Variants in RAF1 observed in about 807,000 individuals in gnomAD.
The protein encoded by RAF1 is Raf-1 proto-oncogene, serine/threonine kinase, also known as RAF proto-oncogene serine/threonine-protein kinase.
A neutral mutation model predicts 81.1 loss-of-function variants in RAF1; 27 were observed. The observed-to-expected ratio is 0.33, with a 90% confidence interval of 0.25 to 0.46. The LOEUF (loss-of-function observed/expected upper bound fraction) is 0.46. Among genes scored for constraint, RAF1 ranks in the 20% least tolerant of loss-of-function variants. The probability of loss-of-function intolerance (pLI) is 1.00; values close to 1 mark genes in which losing one functional copy is unlikely to be tolerated. For synonymous variants in RAF1, 298 were observed against 294.0 expected, an observed-to-expected ratio of 1.01 and a Z score of -0.14; for missense variants, 598 against 826.0, an observed-to-expected ratio of 0.72 and a Z score of 3.38.
At chr3:12,597,455 G>A (rs981188604) in intron 11 of RAF1, among the ~76,000 whole-genome samples, 19 of 152,134 alleles carry the variant, frequency 1.2e-4, no homozygotes, top group Non-Finnish European at 2.9e-5. Context: ...CTTTTAAAAT[G>A]TGATATAAAA....
At chr3:12,636,259 C>T (rs1393644323) in intron 1 of RAF1, among the ~76,000 whole-genome samples, 1 of 150,940 alleles carries the variant, frequency 6.6e-6, no homozygotes, top group Admixed American at 6.6e-5. Context: ...GCACTCCAGC[C>T]TGGGTGACAG....
At chr3:12,655,851 CATGAGGT>C (rs2060673444) in intron 1 of RAF1, among the ~76,000 whole-genome samples, 2 of 151,952 alleles carry the variant, frequency 1.3e-5, no homozygotes, top group Admixed American at 1.3e-4. Context: ...ACTCCCCTTA[CATGAGGT>C]ACCTGGAATA....
At position 12,598,725 on chromosome 3, in the gene RAF1, C is replaced by CAAAAAAAAAAAAAAAAAAA. The variant is rs59472802; in HGVS notation, c.1168+947_1168+965dup. Among the ~76,000 whole-genome samples the CAAAAAAAAAAAAAAAAAAA allele has an allele frequency of 6.1e-4, 38 of 61,990 alleles. 2 individuals carry two copies. The highest frequency in any genetic ancestry group is 1.3e-3 in the East Asian group (1 of 772). 40.7% of individuals were successfully genotyped at this position (61,990 alleles called of 152,430 possible). On this transcript the variant is annotated intron_variant, in intron 11 of 17. Transcript: ENST00000442415. ...TGGGCAACAGAGCAAGAATCTATCT[C>CAAAAAAAAAAAAAAAAAAA]AAAAAAAAAAAAAAAAAAAAAAAAA...
chr3:12,632,840 A>T (rs2059903778), intron 1 of RAF1, among the ~76,000 whole-genome samples: 1 of 152,176 alleles, frequency 6.6e-6, no homozygotes, highest in Non-Finnish European at 1.5e-5. Flanking sequence ...TGACGTGAAG[A>T]GGAAAAAACA....
chr3:12,637,258 C>A (rs1221268292), intron 1 of RAF1, among the ~76,000 whole-genome samples: 1 of 152,082 alleles, frequency 6.6e-6, no homozygotes, highest in Non-Finnish European at 1.5e-5. Context: ...CTTCTGAGAA[C>A]TTCAGTGAAT....
chr3:12,621,007 G>A (rs974334933), intron 1 of RAF1, among the ~76,000 whole-genome samples: 1 of 152,070 alleles, frequency 6.6e-6, no homozygotes, highest in African/African-American at 2.4e-5. Context: ...TCCTCCTTTA[G>A]AAAACTTTGA....
intron 3 of RAF1, 142 bp downstream of exon 3, chr3:12,611,808 T>C (rs191829966): frequency 1.2e-4 from 83 of 704,138 alleles, no homozygotes; most frequent in Non-Finnish European, 1.9e-4. Flanking sequence ...TACCTATTTT[T>C]CTGAATTATC....
At chr3:12,663,781 C>A in intron 1 of RAF1, 32 bp downstream of exon 1, 1 of 396,514 alleles carries the variant, frequency 2.5e-6, no homozygotes. Context: ...GCCCGGCTCC[C>A]CCGGCATCCA....
chr3:12,590,024 C>T (rs1451466092), intron 13 of RAF1: 11 of 151,682 alleles, frequency 7.3e-5, no homozygotes, highest in Admixed American at 7.2e-4. Flanking sequence ...CTCCTGGCCT[C>T]GTCATCCACC....
At chr3:12,636,979 G>A (rs1475688521) in intron 1 of RAF1, among the ~76,000 whole-genome samples, 1 of 152,114 alleles carries the variant, frequency 6.6e-6, no homozygotes, top group Non-Finnish European at 1.5e-5. Context: ...GCAACTCCAT[G>A]GATCTAGGGT....
Position 12,585,199 on chromosome 3 carries a change from C to T in RAF1, c.1651G>A (p.Val551Ile), listed in dbSNP as rs2125322521. ...TACAATACGATGCCATAGGAGTAGA[C>T]ATCCGACTGGAAACTGAATGGGTTG... The change falls in exon 16 of 18, where the codon GTC becomes ATC. Residue 551 changes from valine (V) to isoleucine (I), a missense_variant. Transcript: ENST00000442415. 6.2e-7 allele frequency: 1 copy of T among 1,614,162 alleles called. No homozygotes were observed. Among genetic ancestry groups the T allele is most frequent in the Non-Finnish European group, 8.5e-7 (1 of 1,180,026 alleles).
intron 1 of RAF1, among the ~76,000 whole-genome samples, chr3:12,637,729 T>C (rs918089105): frequency 6.6e-6 from 1 of 151,736 alleles, no homozygotes; most frequent in Non-Finnish European, 1.5e-5. Flanking sequence ...GGCACACACC[T>C]GAAATCCCAG....
chr3:12,591,811 GTCAGTGC>G lies in RAF1; in HGVS notation c.1169-26_1169-20del. On this transcript the variant is annotated intron_variant, in intron 11 of 17. Transcript: ENST00000442415. The stretch of plus-strand genomic sequence containing the variant: ...ACATCTCCTGCAAAATTAGTTGGCA[GTCAGTGC>G]AATCAGTTGAATGATCTCAGTCTTT... The G allele has an allele frequency of 6.3e-7, 1 of 1,579,332 alleles. No individual in the cohort carries two copies. Among genetic ancestry groups the G allele is most frequent in the Non-Finnish European group, 8.7e-7 (1 of 1,148,254 alleles).
intron 1 of RAF1, among the ~76,000 whole-genome samples, chr3:12,645,373 A>T (rs1001229104): frequency 7.2e-5 from 11 of 152,176 alleles, no homozygotes; most frequent in Admixed American, 7.2e-4. Flanking sequence ...TATTCATACT[A>T]TCCCTTTTTT....
chr3:12,648,846 G>C (rs1156309224), intron 1 of RAF1, among the ~76,000 whole-genome samples: 3 of 152,358 alleles, frequency 2.0e-5, no homozygotes, highest in Middle Eastern at 3.4e-3. Context: ...CGGATGCGGT[G>C]GCTCACGCCT....
intron 6 of RAF1, 100 bp downstream of exon 6, chr3:12,606,101 G>A (rs2059020079): frequency 3.6e-6 from 3 of 828,318 alleles, no homozygotes; most frequent in East Asian, 2.7e-5. Flanking sequence ...TCCACGTAGA[G>A]AGGAGGGAAT....
At chr3:12,593,703 A>G (rs1007560713) in intron 11 of RAF1, among the ~76,000 whole-genome samples, 3 of 152,026 alleles carry the variant, frequency 2.0e-5, no homozygotes, top group Admixed American at 6.6e-5. Context: ...AATCATTTGC[A>G]TAAGTGTCCA....
At chr3:12,606,779 T>C (rs1421572342) in intron 5 of RAF1, among the ~76,000 whole-genome samples, 2 of 152,194 alleles carry the variant, frequency 1.3e-5, no homozygotes, top group Non-Finnish European at 2.9e-5. Flanking sequence ...TAGGTATACA[T>C]GTGCCATGTT....
At chr3:12,661,230 G>T (rs2060866908) in intron 1 of RAF1, among the ~76,000 whole-genome samples, 1 of 152,098 alleles carries the variant, frequency 6.6e-6, no homozygotes, top group East Asian at 1.9e-4. Context: ...AGCTATTTTA[G>T]GAAAATTATG....
Sources: gnomAD v4.1 joint callset for allele counts (sites outside exome capture counted in the v4.1 genomes callset) on GRCh38, gnomAD v4.1.1 for gene constraint, MANE v1.5 for transcripts, NCBI Gene and HGNC (gene_info 2026-07-23, HGNC 2026-07-21) for gene names.